FARP1: variants seen among roughly 807,000 people sequenced by gnomAD.
FARP1 encodes FERM, ARH/RhoGEF and pleckstrin domain protein 1.
A neutral mutation model predicts 128.8 loss-of-function variants in FARP1; 52 were observed. The observed-to-expected ratio is 0.40, with a 90% CI of 0.32 to 0.51. The LOEUF is 0.51. Among genes scored for constraint, FARP1 ranks in the 20% least tolerant of loss-of-function variants. The pLI is 0.45. For synonymous variants in FARP1, 580 were observed against 551.8 expected, an observed-to-expected ratio of 1.05 and a Z score of -0.72; for missense variants, 1,333 against 1,367.9, an observed-to-expected ratio of 0.97 and a Z score of 0.40.
chr13:98,172,133 C>G (rs758882994), intron 1 of FARP1, among the ~76,000 whole-genome samples: 3 of 151,494 alleles, frequency 2.0e-5, no homozygotes, highest in Non-Finnish European at 4.4e-5. Flanking sequence ...GTTTGTTGGG[C>G]GGGGTGGGGA....
intron 2 of FARP1, among the ~76,000 whole-genome samples, chr13:98,235,265 T>C (rs1882348548): frequency 6.6e-6 from 1 of 152,162 alleles, no homozygotes; most frequent in Non-Finnish European, 1.5e-5. Context: ...CACATAAGTT[T>C]CATCACAGTG....
At chr13:98,221,112 C>T (rs1440796928) in intron 2 of FARP1, among the ~76,000 whole-genome samples, 1 of 152,188 alleles carries the variant, frequency 6.6e-6, no homozygotes, top group African/African-American at 2.4e-5. Flanking sequence ...ATTCTCATCT[C>T]TACACATGGA....
In FARP1 at chr13:98,446,131, A is replaced by G; in HGVS notation, c.2830A>G (p.Lys944Glu). Residue 944 changes from lysine (K) to glutamate (E), a missense_variant, in exon 25 of 27, where the codon AAA (lysine) becomes GAA (glutamate). Lys to Glu is a moderately conservative substitution (Grantham distance 56). Transcript: ENST00000319562. Reference sequence around the variant, plus strand: ...GTCTGGAAACCTGCTGAGGAAATTCAAAAACAGCAACGGGTGGCAGAAGCT... The same window carrying G: ...GTCTGGAAACCTGCTGAGGAAATTCGAAAACAGCAACGGGTGGCAGAAGCT... ...QLSGNLLRKF[K>E]NSNGWQKLWV... 2 of 1,613,928 alleles carry G rather than the reference A, an allele frequency of 1.2e-6. No individual in the cohort carries two copies. The highest frequency in any genetic ancestry group is 1.7e-6 in the Non-Finnish European group (2 of 1,179,796).
At position 98,320,963 on chromosome 13, in the gene FARP1, G is replaced by A. The variant is rs574256643; in HGVS notation, c.172-22799G>A. On this transcript the variant is annotated intron_variant, in intron 2 of 26. Coordinates refer to ENST00000319562, the MANE Select transcript of FARP1 (RefSeq NM_005766.4). ...CCGAGAGACACCTCCAGTTTGAGAA[G>A]GTGCAGGTGACCCTCGCAGGTGCCT... 2.2e-4 allele frequency among the ~76,000 whole-genome samples: 33 copies of A among 152,290 alleles called. 1 individual carries two copies. The East Asian group carries it at 6.0e-3, about 28-fold the overall frequency.
rs1461427916 is a variant in FARP1 at position 98,439,578 on chromosome 13, G to A, written c.2433+382G>A. 3.3e-5 allele frequency among the ~76,000 whole-genome samples: 5 copies of A among 152,146 alleles called. No homozygotes were observed. In the South Asian group the frequency reaches 6.2e-4, roughly 19 times the overall value. On this transcript the variant is annotated intron_variant, in intron 21 of 26. Transcript: ENST00000319562. The stretch of plus-strand genomic sequence containing the variant: ...CCTCGCCACACACAAGGATGACAGC[G>A]CCCGCTCCCTGGAGCTGGGCCAGCC...
At chr13:98,309,832 T>G (rs1391690362) in intron 2 of FARP1, among the ~76,000 whole-genome samples, 4 of 152,162 alleles carry the variant, frequency 2.6e-5, no homozygotes, top group Non-Finnish European at 5.9e-5. Flanking sequence ...GCTTGCATTG[T>G]TTTCCCTTGT....
chr13:98,243,718 A>T (rs1321395025), intron 2 of FARP1, among the ~76,000 whole-genome samples: 1 of 150,556 alleles, frequency 6.6e-6, no homozygotes, highest in Non-Finnish European at 1.5e-5. Flanking sequence ...AAAAAAAAAA[A>T]TCTGTATAAC....
chr13:98,393,121 A>G (rs899632053), intron 11 of FARP1, among the ~76,000 whole-genome samples: 2 of 152,220 alleles, frequency 1.3e-5, no homozygotes, highest in African/African-American at 2.4e-5. Context: ...ACGTGTCAAG[A>G]TGCTGTTAAA....
rs115830748 is a variant in FARP1 at position 98,370,590 on chromosome 13, G to A, written c.398+2395G>A. Among the ~76,000 whole-genome samples, 783 of 149,318 alleles carry A rather than the reference G, an allele frequency of 5.2e-3. 4 individuals carry two copies. The highest frequency in any genetic ancestry group is 0.015 in the African/African-American group (603 of 40,476). On this transcript the variant is annotated intron_variant, in intron 5 of 26. Transcript: ENST00000319562. ...CTTGAGTGACTGGGGGGGAGATGGT[G>A]TTGGGGGTTACTAAAATGAGAAAAG...
At chr13:98,218,886 T>A (rs1263223705) in intron 2 of FARP1, among the ~76,000 whole-genome samples, 1 of 152,196 alleles carries the variant, frequency 6.6e-6, no homozygotes, top group African/African-American at 2.4e-5. Flanking sequence ...AGACCTAAAG[T>A]TTTTGAGAAA....
intron 2 of FARP1, among the ~76,000 whole-genome samples, chr13:98,292,413 G>A (rs1885490075): frequency 1.3e-5 from 2 of 152,214 alleles, no homozygotes; most frequent in Non-Finnish European, 2.9e-5. Flanking sequence ...AAAGCCATGG[G>A]GAAAATGTAT....
chr13:98,197,906 A>G (rs1181466356), intron 1 of FARP1, among the ~76,000 whole-genome samples: 1 of 152,020 alleles, frequency 6.6e-6, no homozygotes, highest in South Asian at 2.1e-4. Flanking sequence ...AAGTGCTGAG[A>G]TTACAGGCAT....
intron 14 of FARP1, 68 bp downstream of exon 14, chr13:98,409,593 A>G: frequency 2.1e-6 from 3 of 1,401,366 alleles, no homozygotes; most frequent in South Asian, 1.5e-5. Context: ...AATTTTAAAA[A>G]TTGTACTAAA....
intron 24 of FARP1, among the ~76,000 whole-genome samples, chr13:98,444,775 C>T (rs1402245858): frequency 6.6e-6 from 1 of 152,180 alleles, no homozygotes; most frequent in African/African-American, 2.4e-5. Flanking sequence ...TGTGGGCTGG[C>T]TGCTGTGTGA....
chr13:98,448,150 C>A, intron 26 of FARP1, 86 bp from the exon 27 acceptor site: 1 of 1,178,700 alleles, frequency 8.5e-7, no homozygotes, highest in Non-Finnish European at 1.3e-6. Flanking sequence ...CCTGACTTCA[C>A]CTTGTGTTTC....
intron 2 of FARP1, chr13:98,328,237 AGCCTGTG>A (rs1287683527): frequency 1.3e-5 from 2 of 152,186 alleles, no homozygotes; most frequent in African/African-American, 4.8e-5. Context: ...TAGGGAAGAA[AGCCTGTG>A]GCCTTTAGCA....
intron 18 of FARP1, chr13:98,432,164 C>A (rs76491331): frequency 0.039 from 5,946 of 152,340 alleles, 252 homozygotes; most frequent in East Asian, 0.15. Context: ...TGATTTGGAA[C>A]CTAAATCTAG....
chr13:98,409,627 A>G, intron 14 of FARP1, 102 bp downstream of exon 14: 1 of 1,068,114 alleles, frequency 9.4e-7, no homozygotes, highest in Non-Finnish European at 1.3e-6. Context: ...CAAAGGTACC[A>G]TGTGAGCCAT....
chr13:98,416,641 G>A (rs1891385184), intron 16 of FARP1, among the ~76,000 whole-genome samples: 1 of 152,194 alleles, frequency 6.6e-6, no homozygotes, highest in South Asian at 2.1e-4. Flanking sequence ...AGTTTACTCA[G>A]CTGTTCAAAT....
Sources: gnomAD v4.1 joint callset for allele counts (sites outside exome capture counted in the v4.1 genomes callset) on GRCh38, gnomAD v4.1.1 for gene constraint, MANE v1.5 for transcripts, NCBI Gene and HGNC (gene_info 2026-07-23, HGNC 2026-07-21) for gene names.